CEMIP2: variants seen among roughly 807,000 people sequenced by gnomAD.
CEMIP2 encodes cell migration inducing hyaluronidase 2, also known as cell surface hyaluronidase CEMIP2.
In CEMIP2, 79 loss-of-function variants were observed where a neutral mutation model predicts 146.9. The observed-to-expected ratio is 0.54, with a 90% confidence interval of 0.45 to 0.65. The LOEUF (loss-of-function observed/expected upper bound fraction) is 0.65. Ranked by LOEUF, CEMIP2 falls within the 30% of genes least tolerant of loss-of-function variation. The pLI, the probability that CEMIP2 is intolerant of heterozygous loss-of-function variation, is 0.00. For synonymous variants in CEMIP2, 601 were observed against 606.3 expected (o/e 0.99, Z 0.13); for missense variants, 1,596 against 1,696.2 (o/e 0.94, Z 1.04).
At chr9:71,750,589 G>T (rs1343927045) in intron 1 of CEMIP2, among the ~76,000 whole-genome samples, 2 of 149,780 alleles carry the variant, frequency 1.3e-5, no homozygotes, top group Non-Finnish European at 3.0e-5. Flanking sequence ...TTAGAGGCAT[G>T]CACCACCACG....
Position 71,706,978 on chromosome 9 carries a change from A to G in CEMIP2, c.2986-2175T>C, listed in dbSNP as rs563340618. Among the ~76,000 whole-genome samples, 5 of 152,092 alleles carry G rather than the reference A, an allele frequency of 3.3e-5. No individual in the cohort carries two copies. The East Asian group carries it at 5.8e-4, about 18-fold the overall frequency. ...CGAGTAGCTGGGATTACACGTGCCC[A>G]CCACCACGCCTGGCTAATTTTTTCT... On this transcript the variant is annotated intron_variant, in intron 17 of 23. Transcript: ENST00000377044.
chr9:71,685,710 G>T, intron 23 of CEMIP2, 33 bp downstream of exon 23: 1 of 1,567,640 alleles, frequency 6.4e-7, no homozygotes, highest in Non-Finnish European at 8.8e-7. Context: ...TGCTGGCCCT[G>T]TAAGAACTTC....
intron 21 of CEMIP2, among the ~76,000 whole-genome samples, 165 bp downstream of exon 21, chr9:71,694,344 T>C (rs1822327437): frequency 6.6e-6 from 1 of 152,098 alleles, no homozygotes; most frequent in Admixed American, 6.5e-5. Context: ...GCCAGGATGG[T>C]CTCGATCTAA....
rs1179995064 is a variant in CEMIP2, at chr9:71,715,051, T to G, written c.2474A>C (p.Glu825Ala). Residue 825 changes from glutamate (E) to alanine (A), a missense_variant, in exon 15 of 24, where the codon GAG becomes GCG. By Grantham distance (107) the Glu-to-Ala change is moderately radical. Coordinates refer to ENST00000377044, the MANE Select transcript of CEMIP2 (RefSeq NM_013390.3). ...SFPSDEGSSQ[E>A]VSESLFVGES... Reference sequence around the variant, plus strand: ...CCCAACAAAGAGAGATTCAGATACCTCTTGGCTGGAACCTTCATCACTTGG... The same window carrying G: ...CCCAACAAAGAGAGATTCAGATACCGCTTGGCTGGAACCTTCATCACTTGG... 2.5e-6 allele frequency: 4 copies of G among 1,613,978 alleles called. No homozygotes were observed. Among genetic ancestry groups the G allele is most frequent in the Admixed American group, 3.3e-5 (2 of 59,982 alleles).
rs1263443843 is a variant in CEMIP2, at chr9:71,707,439, T to C, written c.2985+1820A>G. 3.3e-5 allele frequency among the ~76,000 whole-genome samples: 5 copies of C among 152,186 alleles called. No individual in the cohort carries two copies. The South Asian group carries it at 8.3e-4, about 25-fold the overall frequency. ...TAAACCAGAAAGTCTCTCCCGTCTTTATTCCTCTTAAGCCCTTTGTTTAGT... is the reference window on the plus strand; with the variant it reads ...TAAACCAGAAAGTCTCTCCCGTCTTCATTCCTCTTAAGCCCTTTGTTTAGT... On this transcript the variant is annotated intron_variant, in intron 17 of 23. Coordinates refer to ENST00000377044, the MANE Select transcript of CEMIP2 (RefSeq NM_013390.3).
intron 1 of CEMIP2, among the ~76,000 whole-genome samples, chr9:71,759,185 T>C (rs1398961040): frequency 6.6e-6 from 1 of 152,184 alleles, no homozygotes; most frequent in Admixed American, 6.5e-5. Flanking sequence ...GCTTTATCTA[T>C]TTGATCGATT....
intron 5 of CEMIP2, 75 bp downstream of exon 5, chr9:71,739,988 T>G (rs1361147911): frequency 6.5e-6 from 9 of 1,382,582 alleles, no homozygotes; most frequent in Non-Finnish European, 8.9e-6. Flanking sequence ...TTGAACATAA[T>G]ACTATTCTTA....
chr9:71,763,173 T>C (rs1399317986), intron 1 of CEMIP2, among the ~76,000 whole-genome samples: 3 of 152,148 alleles, frequency 2.0e-5, no homozygotes, highest in Non-Finnish European at 4.4e-5. Context: ...AAAATGTTAA[T>C]AATTAACTTT....
intron 18 of CEMIP2, among the ~76,000 whole-genome samples, 162 bp from the exon 19 acceptor site, chr9:71,700,986 G>A (rs1056423504): frequency 4.6e-5 from 7 of 152,234 alleles, no homozygotes; most frequent in Middle Eastern, 3.4e-3. Context: ...CACTGACAGT[G>A]GAAGTTCTGA....
At chr9:71,760,685 G>A (rs977079328) in intron 1 of CEMIP2, among the ~76,000 whole-genome samples, 3 of 142,494 alleles carry the variant, frequency 2.1e-5, no homozygotes, top group South Asian at 2.2e-4. Flanking sequence ...CAGACCAAGC[G>A]GGGAGGAAGG....
intron 20 of CEMIP2, among the ~76,000 whole-genome samples, chr9:71,695,461 G>T (rs890902252): frequency 6.6e-6 from 1 of 151,998 alleles, no homozygotes; most frequent in Admixed American, 6.6e-5. Flanking sequence ...GATCACCTTA[G>T]GTCCGGAGTT....
chr9:71,714,400 A>G (rs912371067), intron 15 of CEMIP2, among the ~76,000 whole-genome samples: 2 of 139,048 alleles, frequency 1.4e-5, no homozygotes, highest in African/African-American at 2.6e-5. Flanking sequence ...CCAAGAGCCT[A>G]CCCCATTCCC....
intron 18 of CEMIP2, among the ~76,000 whole-genome samples, chr9:71,701,738 C>A (rs955234482): frequency 3.3e-5 from 5 of 152,040 alleles, no homozygotes; most frequent in Non-Finnish European, 5.9e-5. Flanking sequence ...TAAAATTAAT[C>A]CTTTTTAAAA....
In CEMIP2 at chr9:71,698,159, G is replaced by A. The variant is rs1822455804; in HGVS notation, c.3423C>T (p.His1141=). 6.2e-7 allele frequency: 1 copy of A among 1,614,020 alleles called. No individual in the cohort carries two copies. The change falls in exon 20 of 24, where the codon CAC becomes CAT. Residue 1141 remains histidine (H), a synonymous_variant. Coordinates refer to ENST00000377044, the MANE Select transcript of CEMIP2 (RefSeq NM_013390.3). Reference sequence around the variant, plus strand: ...CACATCCCTGAGATGAACAGTAACTGTGGCCATGCCTGTGGCTTTTGGCTT... The same window carrying A: ...CACATCCCTGAGATGAACAGTAACTATGGCCATGCCTGTGGCTTTTGGCTT... The part of the protein sequence containing the change: ...YLKAKSHRHG[H]SYCSSQGCER...
chr9:71,694,700 G>T, intron 20 of CEMIP2, 93 bp from the exon 21 acceptor site: 2 of 782,102 alleles, frequency 2.6e-6, no homozygotes, highest in Non-Finnish European at 4.3e-6. Context: ...AAAGCCAGTG[G>T]TTGTATTTCT....
chr9:71,719,483 T>C (rs1447108611), intron 12 of CEMIP2, among the ~76,000 whole-genome samples: 1 of 152,172 alleles, frequency 6.6e-6, no homozygotes. Context: ...GGAAGGGATG[T>C]GATCAAATTT....
At position 71,764,916 on chromosome 9, in the gene CEMIP2, TTCC is replaced by T. The variant is rs747960155; in HGVS notation, c.-13+3438_-13+3440del. 8.9e-3 allele frequency among the ~76,000 whole-genome samples: 781 copies of T among 88,196 alleles called. 47 individuals are homozygous for T. The South Asian group carries it at 0.19, about 22-fold the overall frequency. 57.9% of individuals were successfully genotyped at this position (88,196 alleles called of 152,430 possible). On this transcript the variant is annotated intron_variant, in intron 1 of 23. Coordinates refer to ENST00000377044, the MANE Select transcript of CEMIP2 (RefSeq NM_013390.3). The stretch of plus-strand genomic sequence containing the variant: ...CAAAAAGGCAGATGCATAGCTTTTC[TTCC>T]TTTTTTTTTTTTTCCTTTTCCATAT...
At chr9:71,696,633 T>C (rs550391197) in intron 20 of CEMIP2, among the ~76,000 whole-genome samples, 1 of 151,960 alleles carries the variant, frequency 6.6e-6, no homozygotes, top group African/African-American at 2.4e-5. Flanking sequence ...TAGCCAGGTG[T>C]GGTCACATGC....
intron 1 of CEMIP2, among the ~76,000 whole-genome samples, chr9:71,767,149 C>T (rs1334540003): frequency 6.6e-6 from 1 of 152,202 alleles, no homozygotes; most frequent in Non-Finnish European, 1.5e-5. Context: ...GCATTAGTAG[C>T]TCCATTCTAG....
Sources: gnomAD v4.1 joint callset for allele counts (sites outside exome capture counted in the v4.1 genomes callset) on GRCh38, gnomAD v4.1.1 for gene constraint, MANE v1.5 for transcripts, NCBI Gene and HGNC (gene_info 2026-07-23, HGNC 2026-07-21) for gene names.